The following CAMK1D variants were observed in gnomAD, a reference collection of about 807,000 sequenced individuals.
CAMK1D encodes calcium/calmodulin dependent protein kinase ID, also known as calcium/calmodulin-dependent protein kinase type 1D.
A neutral mutation model predicts 47.7 loss-of-function variants in CAMK1D; 9 were observed. That is an observed-to-expected ratio of 0.19 (90% CI 0.11 to 0.33). The LOEUF (loss-of-function observed/expected upper bound fraction) is 0.33. Among genes scored for constraint, CAMK1D ranks in the 10% least tolerant of loss-of-function variants. The probability of loss-of-function intolerance (pLI) is 1.00; values close to 1 mark genes in which losing one functional copy is unlikely to be tolerated. For synonymous variants in CAMK1D, 184 were observed against 184.9 expected (o/e 0.99, Z 0.04); for missense variants, 291 against 488.7 (o/e 0.60, Z 3.81).
chr10:12,716,785 GTGCA>G (rs1834153419), intron 3 of CAMK1D, among the ~76,000 whole-genome samples: 1 of 152,162 alleles, frequency 6.6e-6, no homozygotes, highest in South Asian at 2.1e-4. Flanking sequence ...TTGACCCAGT[GTGCA>G]TGCTTAGCGT....
chr10:12,591,470 C>T (rs1837993525), intron 2 of CAMK1D, among the ~76,000 whole-genome samples: 1 of 152,232 alleles, frequency 6.6e-6, no homozygotes. Context: ...TAAAAAGTGT[C>T]ACACTTCTCT....
intron 1 of CAMK1D, among the ~76,000 whole-genome samples, chr10:12,445,664 G>C (rs1410545558): frequency 6.6e-6 from 1 of 152,136 alleles, no homozygotes; most frequent in Non-Finnish European, 1.5e-5. Context: ...CATTGCTTTT[G>C]TCCTGTCTGT....
intron 1 of CAMK1D, among the ~76,000 whole-genome samples, chr10:12,471,742 C>T (rs1046761798): frequency 2.6e-5 from 4 of 152,078 alleles, no homozygotes. Flanking sequence ...GTTGAAAAAG[C>T]TGTCTCTGGC....
intron 1 of CAMK1D, among the ~76,000 whole-genome samples, chr10:12,401,238 TTA>T (rs1296196268): frequency 1.2e-3 from 34 of 28,966 alleles, no homozygotes; most frequent in South Asian, 4.7e-3. Flanking sequence ...TATATATATT[TTA>T]TATATATATA....
intron 6 of CAMK1D, among the ~76,000 whole-genome samples, chr10:12,802,060 A>G (rs1217921833): frequency 2.0e-5 from 3 of 152,174 alleles, no homozygotes; most frequent in Non-Finnish European, 4.4e-5. Context: ...TAAAACAGAG[A>G]GTTCTGGGTT....
intron 2 of CAMK1D, among the ~76,000 whole-genome samples, chr10:12,663,719 A>G (rs917495176): frequency 1.3e-5 from 2 of 152,214 alleles, no homozygotes; most frequent in African/African-American, 4.8e-5. Context: ...GAAATTGAGC[A>G]TGAAATGAGC....
chr10:12,568,804 A>G (rs915033997), intron 2 of CAMK1D, among the ~76,000 whole-genome samples: 1 of 152,150 alleles, frequency 6.6e-6, no homozygotes, highest in Admixed American at 6.5e-5. Context: ...CAACTAAGTA[A>G]GTGATACAGT....
chr10:12,530,626 G>A (rs1192550481), intron 1 of CAMK1D, among the ~76,000 whole-genome samples: 35 of 152,218 alleles, frequency 2.3e-4, no homozygotes, highest in Non-Finnish European at 8.8e-5. Context: ...GGGATTCCAG[G>A]AAGGTCTTCC....
chr10:12,795,485 C>G lies in CAMK1D; in HGVS notation c.641+4252C>G, dbSNP rs190543783. ...CAGCATGCCAGGGAGGCCACCTCCC[C>G]ACACGGAAGTCACGGAGCGCCTCAT... On this transcript the variant is annotated intron_variant, in intron 6 of 10. Transcript: ENST00000619168. Among the ~76,000 whole-genome samples, 23 of 152,334 alleles carry G rather than the reference C, an allele frequency of 1.5e-4. No individual in the cohort carries two copies. In the East Asian group the frequency reaches 4.0e-3, roughly 27 times the overall value.
intron 1 of CAMK1D, among the ~76,000 whole-genome samples, chr10:12,372,083 G>A: frequency 6.6e-6 from 1 of 152,146 alleles, no homozygotes; most frequent in South Asian, 2.1e-4. Flanking sequence ...GCCATCACAT[G>A]CTGTACAGGT....
intron 3 of CAMK1D, among the ~76,000 whole-genome samples, chr10:12,759,141 G>C (rs1836376452): frequency 6.6e-6 from 1 of 152,186 alleles, no homozygotes; most frequent in South Asian, 2.1e-4. Context: ...TTCAGCCCAG[G>C]AGTTTGAGAC....
At chr10:12,704,406 T>C (rs575322148) in intron 3 of CAMK1D, among the ~76,000 whole-genome samples, 1 of 152,308 alleles carries the variant, frequency 6.6e-6, no homozygotes, top group South Asian at 2.1e-4. Context: ...TAGGGACCAG[T>C]ATAAATGTGG....
At chr10:12,398,626 G>A (rs2131907775) in intron 1 of CAMK1D, among the ~76,000 whole-genome samples, 1 of 152,244 alleles carries the variant, frequency 6.6e-6, no homozygotes. Flanking sequence ...TAGGATTACG[G>A]GCATGAGCCA....
intron 1 of CAMK1D, among the ~76,000 whole-genome samples, chr10:12,361,078 T>G (rs547963484): frequency 2.4e-4 from 37 of 152,312 alleles, no homozygotes; most frequent in African/African-American, 8.7e-4. Context: ...ATCCTGTATG[T>G]GGCAATAACG....
intron 3 of CAMK1D, among the ~76,000 whole-genome samples, chr10:12,739,511 G>A (rs545301763): frequency 3.4e-5 from 5 of 146,644 alleles, no homozygotes; most frequent in East Asian, 4.0e-4. Context: ...GGCTGGTCTC[G>A]AACTCCTGAC....
At chr10:12,508,377 G>A (rs149501922) in intron 1 of CAMK1D, among the ~76,000 whole-genome samples, 9 of 152,336 alleles carry the variant, frequency 5.9e-5, no homozygotes, top group East Asian at 5.8e-4. Flanking sequence ...CTGAGAATGC[G>A]CTAAGCGAAA....
rs190204416 is a variant in CAMK1D, at chr10:12,402,318, C to T, written c.92+52408C>T. 1.5e-3 allele frequency among the ~76,000 whole-genome samples: 222 copies of T among 152,180 alleles called. 1 individual carries two copies. Among genetic ancestry groups the T allele is most frequent in the Non-Finnish European group, 2.5e-4 (17 of 68,014 alleles). On this transcript the variant is annotated intron_variant, in intron 1 of 10. Coordinates refer to ENST00000619168, the MANE Select transcript of CAMK1D (RefSeq NM_153498.4). ...ATGTGATCACAGCTCACTTCAGTCTCTACCTCCCAGGCTCAATTGATCCTC... is the reference window on the plus strand; with the variant it reads ...ATGTGATCACAGCTCACTTCAGTCTTTACCTCCCAGGCTCAATTGATCCTC...
chr10:12,745,879 C>G (rs1217866813), intron 3 of CAMK1D, among the ~76,000 whole-genome samples: 1 of 152,176 alleles, frequency 6.6e-6, no homozygotes, highest in Non-Finnish European at 1.5e-5. Flanking sequence ...GCTGGGATTA[C>G]AGGCATGAGC....
rs1326300822 is a variant in CAMK1D at position 12,831,525 on chromosome 10, A to G, written c.*2638A>G. On this transcript the variant is annotated 3_prime_UTR_variant, in exon 11 of 11. Coordinates refer to ENST00000619168, the MANE Select transcript of CAMK1D (RefSeq NM_153498.4). Reference sequence around the variant, plus strand: ...GGAGCAGATACATGTGGTGCATGTTATATGCACTTAGTTTGAAAGTATCCC... The same window carrying G: ...GGAGCAGATACATGTGGTGCATGTTGTATGCACTTAGTTTGAAAGTATCCC... The G allele has an allele frequency of 6.6e-6, 1 of 152,242 alleles. No individual in the cohort carries two copies. Among genetic ancestry groups the G allele is most frequent in the Non-Finnish European group, 1.5e-5 (1 of 68,044 alleles). The allele number at this position is 152,242 out of a possible 1,614,324, so 9.4% of individuals were successfully genotyped here.
Sources: allele counts gnomAD v4.1 joint callset (sites outside exome capture counted in the v4.1 genomes callset), GRCh38; gene constraint gnomAD v4.1.1; transcripts MANE v1.5; gene names NCBI Gene and HGNC (gene_info 2026-07-23, HGNC 2026-07-21).